The following TEF variants were observed in gnomAD, a reference collection of about 807,000 sequenced individuals.
TEF encodes the protein TEF transcription factor, PAR bZIP family member.
In TEF, 3 loss-of-function variants were observed where a neutral mutation model predicts 20.8. The observed-to-expected ratio is 0.14, with a 90% confidence interval of 0.07 to 0.37. TEF has a LOEUF of 0.37. TEF is among the 10% of genes least tolerant of loss of function. TEF has a pLI of 1.00. For synonymous variants in TEF, 180 were observed against 171.1 expected, an observed-to-expected ratio of 1.05 and a Z score of -0.41; for missense variants, 296 against 397.9, an observed-to-expected ratio of 0.74 and a Z score of 2.18.
intron 1 of TEF, among the ~76,000 whole-genome samples, chr22:41,375,526 G>A (rs1177045678): frequency 1.3e-5 from 2 of 152,120 alleles, no homozygotes; most frequent in African/African-American, 2.4e-5. Flanking sequence ...CGAGGCGGGC[G>A]GATCGCGAGG....
chr22:41,379,401 G>A (rs13057328), upstream of TEF, among the ~76,000 whole-genome samples: 1 of 152,192 alleles, frequency 6.6e-6, no homozygotes, highest in Non-Finnish European at 1.5e-5. Context: ...CAGCTACTCA[G>A]GAGGCTGAGG....
intron 1 of TEF, among the ~76,000 whole-genome samples, chr22:41,375,565 A>C (rs1005935984): frequency 6.6e-6 from 1 of 152,178 alleles, no homozygotes; most frequent in Non-Finnish European, 1.5e-5. Context: ...GCTGGCTAAC[A>C]CAGTGAAACC....
chr22:41,369,015 C>T, intron 1 of TEF: 1 of 971,400 alleles, frequency 1.0e-6, no homozygotes, highest in Non-Finnish European at 1.2e-6. Flanking sequence ...GTAGAGGGTC[C>T]CCTCCTTGGT....
At chr22:41,369,014 C>G (rs993039083) in intron 1 of TEF, 4 of 964,248 alleles carry the variant, frequency 4.1e-6, no homozygotes, top group Non-Finnish European at 3.7e-6. Flanking sequence ...GGTAGAGGGT[C>G]CCCTCCTTGG....
intron 1 of TEF, chr22:41,367,645 A>G: frequency 6.5e-7 from 1 of 1,532,538 alleles, no homozygotes. Flanking sequence ...CAGGTACTCG[A>G]GGGGGCGAGG....
intron 1 of TEF, among the ~76,000 whole-genome samples, chr22:41,368,706 G>C (rs1474312422): frequency 6.6e-6 from 1 of 152,138 alleles, no homozygotes; most frequent in Admixed American, 6.5e-5. Flanking sequence ...CGGAGCTCTC[G>C]CACGCAGCTC....
chr22:41,382,751 C>G (rs942927905), intron 1 of TEF, among the ~76,000 whole-genome samples: 3 of 151,834 alleles, frequency 2.0e-5, no homozygotes, highest in African/African-American at 4.8e-5. Context: ...CCAACGGGAG[C>G]CTTTCTGTTG....
chr22:41,388,289 C>T (rs1251040820), intron 2 of TEF, among the ~76,000 whole-genome samples: 2 of 152,028 alleles, frequency 1.3e-5, no homozygotes, highest in South Asian at 2.1e-4. Flanking sequence ...TAAGCTACCA[C>T]GCACAGCCTT....
upstream of TEF, among the ~76,000 whole-genome samples, chr22:41,379,507 CAAAAACA>C (rs879413914): frequency 1.8e-4 from 28 of 151,356 alleles, no homozygotes; most frequent in East Asian, 5.9e-4. Context: ...AACTCCGTCT[CAAAAACA>C]AAAAACAAAA....
Position 41,382,143 on chromosome 22 carries a change from G to A in TEF, c.99G>A (p.Gly33=). 1 of 1,239,724 alleles carries A rather than the reference G, an allele frequency of 8.1e-7. No homozygotes were observed. The allele number at this position is 1,239,724 out of a possible 1,614,324, so 76.8% of individuals were successfully genotyped here. ...CAGCTGGGGAAAGGGGCCTGTCGGG[G>A]TCCTTCCCCCTGGTCCTGAAGAAGC... is the stretch of plus-strand genomic sequence containing the variant. ...GRAAGERGLS[G]SFPLVLKKLM... The change falls in exon 1 of 4, where the codon GGG becomes GGA. Residue 33 remains glycine (G), a synonymous_variant. Coordinates refer to ENST00000266304, the MANE Select transcript of TEF (RefSeq NM_003216.4).
At chr22:41,382,390 G>C (rs566755656) in intron 1 of TEF, among the ~76,000 whole-genome samples, 189 bp downstream of exon 1, 27 of 151,994 alleles carry the variant, frequency 1.8e-4, no homozygotes, top group Non-Finnish European at 3.5e-4. Context: ...GGGGCGGGCT[G>C]AGACGGTGGG....
chr22:41,397,335 A>G lies in TEF; in HGVS notation c.*1375A>G, dbSNP rs2037242283. The G allele has an allele frequency of 2.6e-6, 1 of 380,768 alleles. No individual in the cohort carries two copies. The allele number at this position is 380,768 out of a possible 1,614,324, so 23.6% of individuals were successfully genotyped here. Reference sequence around the variant, plus strand: ...CTCGCCCTTTTGCTGTGCTCAGAAGATTCACTGAGGAAACTCATGGAAGCC... The same window carrying G: ...CTCGCCCTTTTGCTGTGCTCAGAAGGTTCACTGAGGAAACTCATGGAAGCC... On this transcript the variant is annotated 3_prime_UTR_variant, in exon 4 of 4. Coordinates refer to ENST00000266304, the MANE Select transcript of TEF (RefSeq NM_003216.4).
chr22:41,384,189 A>G (rs1012677262), intron 1 of TEF, among the ~76,000 whole-genome samples: 1 of 152,154 alleles, frequency 6.6e-6, no homozygotes, highest in African/African-American at 2.4e-5. Context: ...TTCACTTATA[A>G]ATCCAGAGTT....
At chr22:41,377,398 G>C (rs1219331724), upstream of TEF, 1 of 152,096 alleles carries the variant, frequency 6.6e-6, no homozygotes, top group Non-Finnish European at 1.5e-5. Context: ...CCCCTGAAAA[G>C]CCTCTCTAAT....
At position 41,382,295 on chromosome 22, in the gene TEF, G is replaced by A. The variant is rs905492841; in HGVS notation, c.157+94G>A. ...CGGGGCCGGGGAGGCAGTGGGTCAG[G>A]GAGCAGTGGTCCAGCGGAGGGGGAT... On this transcript the variant is annotated intron_variant, in intron 1 of 3. Coordinates refer to ENST00000266304, the MANE Select transcript of TEF (RefSeq NM_003216.4). 4.6e-6 allele frequency: 5 copies of A among 1,078,118 alleles called. No individual in the cohort carries two copies. The East Asian group carries it at 1.4e-4, about 30-fold the overall frequency. 66.8% of individuals were successfully genotyped at this position (1,078,118 alleles called of 1,614,324 possible).
At chr22:41,376,726 C>G (rs1264863607) in intron 1 of TEF, among the ~76,000 whole-genome samples, 1 of 152,184 alleles carries the variant, frequency 6.6e-6, no homozygotes. Flanking sequence ...ACAGCTTGAA[C>G]GGAAGGGGAA....
chr22:41,379,455 C>T (rs1462237724), upstream of TEF, among the ~76,000 whole-genome samples: 1 of 151,884 alleles, frequency 6.6e-6, no homozygotes, highest in Non-Finnish European at 1.5e-5. Flanking sequence ...TGCAGTGAGC[C>T]GAGATCCCGC....
In TEF at chr22:41,398,518, T is replaced by G. The variant is rs1488273175; in HGVS notation, c.*2558T>G. The G allele has an allele frequency of 6.5e-6, 1 of 153,746 alleles. No homozygotes were observed. The highest frequency in any genetic ancestry group is 1.9e-4 in the East Asian group (1 of 5,198). 9.5% of individuals were successfully genotyped at this position (153,746 alleles called of 1,614,324 possible). A position where few individuals can be genotyped will look rare whatever the true frequency, so the allele number is the denominator to read the frequency against. ...GTGCAACCTCAGAACAGACAAATCA[T>G]GAATGAGCTGGAACTTTGCAAGAAT... On this transcript the variant is annotated 3_prime_UTR_variant, in exon 4 of 4. Transcript: ENST00000266304.
intron 1 of TEF, among the ~76,000 whole-genome samples, chr22:41,374,872 G>A (rs1199100567): frequency 6.6e-6 from 1 of 152,162 alleles, no homozygotes; most frequent in Non-Finnish European, 1.5e-5. Flanking sequence ...AAGGGTAGCA[G>A]AAGTTGAAGG....
Sources: allele counts gnomAD v4.1 joint callset (sites outside exome capture counted in the v4.1 genomes callset), GRCh38; gene constraint gnomAD v4.1.1; transcripts MANE v1.5; gene names NCBI Gene and HGNC (gene_info 2026-07-23, HGNC 2026-07-21).